The following LAMA3 variants were observed in gnomAD, a reference collection of about 807,000 sequenced individuals.
LAMA3 encodes the protein laminin subunit alpha 3, also known as laminin subunit alpha-3.
In LAMA3, 281 loss-of-function variants were observed where a neutral mutation model predicts 402.0. The observed-to-expected ratio is 0.70, with a 90% CI of 0.63 to 0.77. The LOEUF is 0.77. Ranked by LOEUF, LAMA3 falls within the 30% of genes least tolerant of loss-of-function variation. The pLI, the probability that LAMA3 is intolerant of heterozygous loss-of-function variation, is 0.00. For synonymous variants in LAMA3, 1,431 were observed against 1,558.4 expected, an observed-to-expected ratio of 0.92 and a Z score of 1.93; for missense variants, 3,840 against 4,215.5, an observed-to-expected ratio of 0.91 and a Z score of 2.47.
intron 54 of LAMA3, 71 bp from the exon 55 acceptor site, chr18:23,909,078 TGTCA>T: frequency 7.1e-7 from 1 of 1,410,690 alleles, no homozygotes. Flanking sequence ...TGACAAATAC[TGTCA>T]GTAAGAACAT....
In LAMA3 at chr18:23,813,100, T is replaced by C; in HGVS notation, c.1785T>C (p.Asn595=). ...ACDPAGTINS[N]LGYCQCKLHV... ...ACCCAGCTGGTACCATCAACTCCAA[T>C]TTGGTAAGTAGACTATAAAAGGGTT... Residue 595 remains asparagine, a synonymous_variant, in exon 14 of 75, where the codon AAT becomes AAC. Transcript: ENST00000313654. The C allele has an allele frequency of 6.2e-7, 1 of 1,601,680 alleles. No individual in the cohort carries two copies.
intron 55 of LAMA3, among the ~76,000 whole-genome samples, chr18:23,911,606 T>C (rs1396247810): frequency 6.6e-5 from 10 of 151,784 alleles, no homozygotes; most frequent in Non-Finnish European, 1.5e-4. Flanking sequence ...AAGGAAAAAA[T>C]GGTCCTTCAC....
chr18:23,813,287 G>A (rs1345607699), intron 14 of LAMA3, among the ~76,000 whole-genome samples, 184 bp downstream of exon 14: 1 of 151,318 alleles, frequency 6.6e-6, no homozygotes, highest in Non-Finnish European at 1.5e-5. Flanking sequence ...AAAAACAAAA[G>A]AATAAGATTT....
chr18:23,896,435 C>G (rs1309286197), intron 44 of LAMA3, among the ~76,000 whole-genome samples: 2 of 152,210 alleles, frequency 1.3e-5, no homozygotes, highest in African/African-American at 2.4e-5. Context: ...TTACTGGTTT[C>G]TAATTTAACT....
chr18:23,717,719 A>ATTTTTTTTTTT lies in LAMA3; in HGVS notation c.447+3647_447+3648insTTTTTTTTTTT, dbSNP rs1568109215. On this transcript the variant is annotated intron_variant, in intron 2 of 74. Transcript: ENST00000313654. Reference sequence around the variant, plus strand: ...AGGTGCCCACCACCATGCCTGGCTAAATTTTTTTTTTTTTTTTTTTTTTTT... The same window carrying ATTTTTTTTTTT: ...AGGTGCCCACCACCATGCCTGGCTAATTTTTTTTTTTATTTTTTTTTTTTTTTTTTTTTTTT... 1.7e-5 allele frequency among the ~76,000 whole-genome samples: 2 copies of ATTTTTTTTTTT among 116,806 alleles called. 1 individual carries two copies. Among genetic ancestry groups the ATTTTTTTTTTT allele is most frequent in the Non-Finnish European group, 3.3e-5 (2 of 60,846 alleles). 76.6% of individuals were successfully genotyped at this position (116,806 alleles called of 152,430 possible).
chr18:23,942,847 G>C (rs1479920086), intron 68 of LAMA3, among the ~76,000 whole-genome samples: 2 of 152,144 alleles, frequency 1.3e-5, no homozygotes, highest in Non-Finnish European at 2.9e-5. Context: ...CAAAGTGCTA[G>C]GATTTTCCCA....
intron 58 of LAMA3, among the ~76,000 whole-genome samples, 178 bp from the exon 59 acceptor site, chr18:23,915,111 T>G (rs1599085036): frequency 6.6e-6 from 1 of 152,284 alleles, no homozygotes; most frequent in African/African-American, 2.4e-5. Context: ...GACAGCGAGG[T>G]GTAATAACTT....
Position 23,837,514 on chromosome 18 carries a change from C to T in LAMA3, c.3093+425C>T, listed in dbSNP as rs565829846. Reference sequence around the variant, plus strand: ...ATCAAAATTTTAAAGCTTATAATTACCTAGTTTAAAAAAAACTAAAAAACT... The same window carrying T: ...ATCAAAATTTTAAAGCTTATAATTATCTAGTTTAAAAAAAACTAAAAAACT... On this transcript the variant is annotated intron_variant, in intron 25 of 74. Coordinates refer to ENST00000313654, the MANE Select transcript of LAMA3 (RefSeq NM_198129.4). 1.3e-3 allele frequency among the ~76,000 whole-genome samples: 175 copies of T among 131,140 alleles called. 1 individual carries two copies. The highest frequency in any genetic ancestry group is 2.5e-3 in the Non-Finnish European group (156 of 62,926). The allele number at this position is 131,140 out of a possible 152,430, so 86.0% of individuals were successfully genotyped here.
Position 23,822,105 on chromosome 18 carries a change from C to T in LAMA3, c.2305-147C>T, listed in dbSNP as rs189136530. On this transcript the variant is annotated intron_variant, in intron 19 of 74. Coordinates refer to ENST00000313654, the MANE Select transcript of LAMA3 (RefSeq NM_198129.4). ...CATCTTTCACAAGTTACTCGGTGCT[C>T]GTTGACTGAGTGTGAGTGTGTATGT... 42 of 793,902 alleles carry T rather than the reference C, an allele frequency of 5.3e-5. No homozygotes were observed. The East Asian group carries it at 8.8e-4, about 17-fold the overall frequency. 49.2% of individuals were successfully genotyped at this position (793,902 alleles called of 1,614,324 possible).
At chr18:23,948,632 C>T (rs930217488) in intron 70 of LAMA3, among the ~76,000 whole-genome samples, 5 of 151,308 alleles carry the variant, frequency 3.3e-5, no homozygotes, top group African/African-American at 4.9e-5. Context: ...TGCAGTAGTA[C>T]GATCTCGGCT....
chr18:23,813,823 T>C (rs1404835747), intron 14 of LAMA3, among the ~76,000 whole-genome samples: 2 of 152,136 alleles, frequency 1.3e-5, no homozygotes, highest in African/African-American at 4.8e-5. Context: ...GTTACAGGCG[T>C]GAGCTACCAC....
chr18:23,818,531 G>A (rs541496395), intron 18 of LAMA3, among the ~76,000 whole-genome samples: 1 of 152,322 alleles, frequency 6.6e-6, no homozygotes, highest in East Asian at 1.9e-4. Flanking sequence ...GTTTGCTCTG[G>A]TTTTATCAGA....
At chr18:23,952,067 G>A (rs1199438248) in intron 73 of LAMA3, among the ~76,000 whole-genome samples, 2 of 152,192 alleles carry the variant, frequency 1.3e-5, no homozygotes, top group Admixed American at 6.5e-5. Flanking sequence ...ATAGTATAAC[G>A]TTGTGATTTA....
chr18:23,822,178 A>G lies in LAMA3; in HGVS notation c.2305-74A>G, dbSNP rs573943374. On this transcript the variant is annotated intron_variant, in intron 19 of 74. Coordinates refer to ENST00000313654, the MANE Select transcript of LAMA3 (RefSeq NM_198129.4). ...AGTCCAGTAGTGACACTTGAATAGA[A>G]TAAAGTCACTGTTTGGCTAGCATGT... 5.2e-6 allele frequency: 8 copies of G among 1,536,592 alleles called. No individual in the cohort carries two copies. In the East Asian group the frequency reaches 9.0e-5, roughly 17 times the overall value.
chr18:23,724,532 G>C (rs565782006), intron 2 of LAMA3, among the ~76,000 whole-genome samples: 2 of 152,210 alleles, frequency 1.3e-5, no homozygotes, highest in South Asian at 2.1e-4. Flanking sequence ...TTTTGTCTCA[G>C]AATGAGGCTG....
chr18:23,753,901 G>A, intron 6 of LAMA3, 89 bp downstream of exon 6: 1 of 879,686 alleles, frequency 1.1e-6, no homozygotes. Context: ...AATGTTTCTA[G>A]GTTCCTGTCC....
chr18:23,850,111 A>G (rs1023680104), intron 32 of LAMA3, among the ~76,000 whole-genome samples: 4 of 152,232 alleles, frequency 2.6e-5, no homozygotes, highest in South Asian at 2.1e-4. Context: ...ATGTAAAAGA[A>G]ATAATCAGAG....
At chr18:23,945,213 G>C (rs749513227) in intron 69 of LAMA3, among the ~76,000 whole-genome samples, 20 of 152,256 alleles carry the variant, frequency 1.3e-4, no homozygotes, top group Non-Finnish European at 2.8e-4. Flanking sequence ...GAGACTGCCA[G>C]GGGGCAAGAG....
chr18:23,950,039 A>T lies in LAMA3; in HGVS notation c.9522A>T (p.Val3174=). The T allele has an allele frequency of 1.2e-6, 2 of 1,614,066 alleles. No individual in the cohort carries two copies. Among genetic ancestry groups the T allele is most frequent in the Non-Finnish European group, 1.7e-6 (2 of 1,180,004 alleles). Residue 3174 remains valine (V), a synonymous_variant, in exon 72 of 75, where the codon GTA becomes GTT. Transcript: ENST00000313654. ...EGGHVVLAHS[V]LLGPEFKLVF... ...TTTCTCTTTTGAAAGCTCACTCTGT[A>T]TTGTTGGGGCCAGAATTTAAGCTTG...
Sources: allele counts gnomAD v4.1 joint callset (sites outside exome capture counted in the v4.1 genomes callset), GRCh38; gene constraint gnomAD v4.1.1; transcripts MANE v1.5; gene names NCBI Gene and HGNC (gene_info 2026-07-23, HGNC 2026-07-21).